Variants in SHTN1 observed in about 807,000 individuals in gnomAD.
SHTN1 encodes shootin 1.
A neutral mutation model predicts 83.1 loss-of-function variants in SHTN1; 42 were observed. That is an observed-to-expected ratio of 0.51 (90% CI 0.39 to 0.65). The LOEUF is 0.65. Ranked by LOEUF, SHTN1 falls within the 30% of genes least tolerant of loss-of-function variation. The probability of loss-of-function intolerance (pLI) is 0.00; values close to 1 mark genes in which losing one functional copy is unlikely to be tolerated. For synonymous variants in SHTN1, 224 were observed against 247.7 expected, an observed-to-expected ratio of 0.90 and a Z score of 0.90; for missense variants, 622 against 737.8, an observed-to-expected ratio of 0.84 and a Z score of 1.82.
intron 9 of SHTN1, among the ~76,000 whole-genome samples, chr10:116,932,802 T>C (rs1281704019): frequency 2.0e-5 from 3 of 152,332 alleles, no homozygotes; most frequent in Non-Finnish European, 4.4e-5. Context: ...GAAGTAGTGA[T>C]TGTTATAATT....
chr10:116,970,646 G>A lies in SHTN1; in HGVS notation c.112-1934C>T, dbSNP rs769098910. ...GGAGAACTGCTTGAACCCATGAGGC[G>A]GAGGTTGCAGTGAGCCAAGATCATG... On this transcript the variant is annotated intron_variant, in intron 2 of 16. Coordinates refer to ENST00000355371, the MANE Select transcript of SHTN1 (RefSeq NM_001127211.3). Among the ~76,000 whole-genome samples, 9 of 151,528 alleles carry A rather than the reference G, an allele frequency of 5.9e-5. No individual in the cohort carries two copies. The South Asian group carries it at 8.3e-4, about 14-fold the overall frequency.
chr10:117,032,445 C>A (rs566090854), intron 2 of SHTN1, among the ~76,000 whole-genome samples: 1 of 152,098 alleles, frequency 6.6e-6, no homozygotes, highest in Non-Finnish European at 1.5e-5. Flanking sequence ...ACTTTTTGAT[C>A]TGCCCGCCTC....
intron 14 of SHTN1, among the ~76,000 whole-genome samples, chr10:116,910,462 G>C (rs1474165764): frequency 6.6e-6 from 1 of 152,168 alleles, no homozygotes; most frequent in Non-Finnish European, 1.5e-5. Context: ...GGTGAATATG[G>C]TATTTAAGAG....
intron 1 of SHTN1, among the ~76,000 whole-genome samples, chr10:117,107,219 C>G (rs1853683803): frequency 1.3e-5 from 2 of 152,172 alleles, no homozygotes; most frequent in South Asian, 4.1e-4. Flanking sequence ...TGTAGAATAT[C>G]ACTATACTTA....
rs546776502 is a variant in SHTN1, at chr10:117,093,554, T to G, written c.-189+32753A>C. 3.4e-4 allele frequency among the ~76,000 whole-genome samples: 51 copies of G among 152,078 alleles called. 1 individual carries two copies. In the Middle Eastern group the frequency reaches 0.01, roughly 30 times the overall value. On this transcript the variant is annotated intron_variant, in intron 1 of 17. Coordinates refer to the SHTN1 transcript ENST00000392901. ...ACTAAACAAAACAAAAACCTGAGAC[T>G]CAAAAAAGTCATGTCAAAAGTCATT...
At chr10:116,953,976 C>G (rs1849883825) in intron 5 of SHTN1, 66 bp downstream of exon 5, 2 of 1,299,590 alleles carry the variant, frequency 1.5e-6, no homozygotes, top group East Asian at 2.4e-5. Context: ...GATGTGCAGT[C>G]AGGGTTCAGA....
At chr10:116,948,286 G>T (rs941520669) in intron 7 of SHTN1, among the ~76,000 whole-genome samples, 1 of 152,178 alleles carries the variant, frequency 6.6e-6, no homozygotes, top group Non-Finnish European at 1.5e-5. Context: ...AGCCACTGGA[G>T]ACACTTCCCT....
intron 1 of SHTN1, among the ~76,000 whole-genome samples, chr10:116,983,687 AATACATACATACATAC>A (rs3981231): frequency 0.012 from 744 of 60,292 alleles, 7 homozygotes; most frequent in African/African-American, 0.021. Context: ...TAGATAGATA[AATACATACATACATAC>A]ATACATACAT....
intron 2 of SHTN1, among the ~76,000 whole-genome samples, chr10:116,970,078 A>C (rs1850554463): frequency 6.6e-6 from 1 of 152,202 alleles, no homozygotes; most frequent in African/African-American, 2.4e-5. Flanking sequence ...GATGTCACAT[A>C]ATGTGAAAAA....
chr10:117,093,389 G>GA (rs57061470), intron 1 of SHTN1, among the ~76,000 whole-genome samples: 2,947 of 150,606 alleles, frequency 0.02, 81 homozygotes, highest in East Asian at 0.12. Context: ...AACTTGAAAT[G>GA]AAAAAAAAAG....
Position 117,099,347 on chromosome 10 carries a change from AC to A in SHTN1, c.-189+26959del, listed in dbSNP as rs199498015. Among the ~76,000 whole-genome samples the A allele has an allele frequency of 4.0e-5, 6 of 151,594 alleles. No homozygotes were observed. The East Asian group carries it at 5.8e-4, about 15-fold the overall frequency. On this transcript the variant is annotated intron_variant, in intron 1 of 17. Coordinates refer to the SHTN1 transcript ENST00000392901. ...CACCACTAAAGAACTCATCTATATA[AC>A]CAAAAAAAAACCAGTACCCCAAAAA...
intron 2 of SHTN1, among the ~76,000 whole-genome samples, chr10:117,021,849 T>C (rs536506516): frequency 6.6e-6 from 1 of 152,334 alleles, no homozygotes; most frequent in South Asian, 2.1e-4. Flanking sequence ...TGTAGCAATT[T>C]GGCTGTGGTA....
At chr10:116,963,782 C>T (rs193057442) in intron 3 of SHTN1, among the ~76,000 whole-genome samples, 1 of 152,246 alleles carries the variant, frequency 6.6e-6, no homozygotes, top group Admixed American at 6.5e-5. Context: ...CCCGCCTTTG[C>T]ATCACTTTGA....
intron 9 of SHTN1, among the ~76,000 whole-genome samples, chr10:116,931,285 T>C (rs552103855): frequency 1.6e-4 from 25 of 152,280 alleles, no homozygotes; most frequent in African/African-American, 5.8e-4. Context: ...GTCTCACTCT[T>C]TCGGCCAGGC....
intron 1 of SHTN1, among the ~76,000 whole-genome samples, chr10:117,062,843 G>A (rs901038603): frequency 2.0e-5 from 3 of 152,058 alleles, no homozygotes; most frequent in African/African-American, 7.2e-5. Flanking sequence ...AATAAATTTA[G>A]AATTATTTCT....
At chr10:117,043,423 T>C (rs958007198) in intron 2 of SHTN1, among the ~76,000 whole-genome samples, 6 of 152,202 alleles carry the variant, frequency 3.9e-5, no homozygotes, top group African/African-American at 1.4e-4. Context: ...CCAATGGTGG[T>C]GATGGTTGTA....
chr10:116,970,712 C>CAAAAA (rs1203374258), intron 2 of SHTN1, among the ~76,000 whole-genome samples: 1 of 68,198 alleles, frequency 1.5e-5, no homozygotes, highest in South Asian at 4.5e-4. Flanking sequence ...GACTTACTCT[C>CAAAAA]AAAAAAAAAA....
intron 8 of SHTN1, among the ~76,000 whole-genome samples, chr10:116,943,570 A>G (rs1337423119): frequency 1.3e-5 from 2 of 152,222 alleles, no homozygotes; most frequent in African/African-American, 4.8e-5. Flanking sequence ...GTAATAAGAG[A>G]AAAATATTTA....
intron 9 of SHTN1, among the ~76,000 whole-genome samples, chr10:116,935,809 G>A (rs1849137951): frequency 6.6e-6 from 1 of 151,980 alleles, no homozygotes; most frequent in Admixed American, 6.5e-5. Flanking sequence ...CTTTTTTTTG[G>A]TTAGCAGGCT....
Sources: gnomAD v4.1 joint callset for allele counts (sites outside exome capture counted in the v4.1 genomes callset) on GRCh38, gnomAD v4.1.1 for gene constraint, MANE v1.5 for transcripts, NCBI Gene and HGNC (gene_info 2026-07-23, HGNC 2026-07-21) for gene names.